LRBA: variants seen among roughly 807,000 people sequenced by gnomAD.
The protein encoded by LRBA is lipopolysaccharide-responsive and beige-like anchor protein.
Under a neutral mutation model 330.0 loss-of-function variants are expected in LRBA, and 176 were observed. The ratio of observed to expected loss-of-function variants is 0.53; its 90% CI spans 0.47 to 0.60. The LOEUF is 0.60. Ranked by LOEUF, LRBA falls within the 20% of genes least tolerant of loss-of-function variation. The probability of loss-of-function intolerance (pLI) is 0.00; values close to 1 mark genes in which losing one functional copy is unlikely to be tolerated. For missense variants in LRBA, 3,259 were observed against 3,444.8 expected, an observed-to-expected ratio of 0.95 and a Z score of 1.35; for synonymous variants, 1,230 against 1,193.0, an observed-to-expected ratio of 1.03 and a Z score of -0.64.
At chr4:150,405,858 C>T (rs934536613) in intron 47 of LRBA, among the ~76,000 whole-genome samples, 1 of 151,554 alleles carries the variant, frequency 6.6e-6, no homozygotes, top group Non-Finnish European at 1.5e-5. Context: ...AGTTCAAGAC[C>T]AGCTTGGGCA....
At chr4:150,309,285 C>T (rs1205026494) in intron 52 of LRBA, among the ~76,000 whole-genome samples, 1 of 151,974 alleles carries the variant, frequency 6.6e-6, no homozygotes, top group Non-Finnish European at 1.5e-5. Flanking sequence ...AGCCTAGGAG[C>T]AATAGGTGAC....
At chr4:150,322,960 G>C (rs969079398) in intron 49 of LRBA, among the ~76,000 whole-genome samples, 6 of 143,510 alleles carry the variant, frequency 4.2e-5, no homozygotes, top group Non-Finnish European at 9.2e-5. Context: ...CGCAGCACGA[G>C]GTGGCTTTAA....
intron 44 of LRBA, among the ~76,000 whole-genome samples, chr4:150,464,671 TGGTCAGCTGGCA>T (rs1270933670): frequency 3.3e-5 from 5 of 152,020 alleles, no homozygotes; most frequent in Non-Finnish European, 5.9e-5. Flanking sequence ...CATACGTTTG[TGGTCAGCTGGCA>T]GGTCAGCTGA....
intron 37 of LRBA, among the ~76,000 whole-genome samples, chr4:150,643,045 T>C (rs1207678738): frequency 2.0e-5 from 3 of 151,920 alleles, no homozygotes; most frequent in African/African-American, 7.2e-5. Context: ...ATAGACTCTC[T>C]TGAAGGGAAA....
intron 17 of LRBA, among the ~76,000 whole-genome samples, chr4:150,890,663 T>C (rs1729364629): frequency 6.6e-6 from 1 of 152,132 alleles, no homozygotes; most frequent in South Asian, 2.1e-4. Context: ...ATGGATAAAT[T>C]ACAAAGAATG....
At chr4:150,643,596 C>G (rs1240790531) in intron 37 of LRBA, among the ~76,000 whole-genome samples, 1 of 151,858 alleles carries the variant, frequency 6.6e-6, no homozygotes, top group African/African-American at 2.4e-5. Context: ...CAAGTAATAG[C>G]AAGCAGTCCA....
chr4:150,311,438 G>A (rs1731055550), intron 51 of LRBA: 1 of 152,124 alleles, frequency 6.6e-6, no homozygotes, highest in South Asian at 2.1e-4. Flanking sequence ...TTCATTGTAT[G>A]TAATAACTAT....
chr4:150,515,574 T>C (rs1762255161), intron 40 of LRBA, among the ~76,000 whole-genome samples: 1 of 152,132 alleles, frequency 6.6e-6, no homozygotes, highest in Admixed American at 6.5e-5. Flanking sequence ...GGTTAGCAAT[T>C]ATTATTACAA....
intron 56 of LRBA, among the ~76,000 whole-genome samples, chr4:150,277,266 G>T (rs1036320686): frequency 1.4e-5 from 2 of 147,972 alleles, no homozygotes; most frequent in African/African-American, 5.0e-5. Context: ...ACGGGGGCCT[G>T]TTGTGGGGGT....
intron 32 of LRBA, among the ~76,000 whole-genome samples, chr4:150,807,352 A>T (rs1403467249): frequency 6.6e-6 from 1 of 152,012 alleles, no homozygotes; most frequent in East Asian, 1.9e-4. Flanking sequence ...CTTCCACACA[A>T]CTCATAGAAC....
At position 150,857,326 on chromosome 4, in the gene LRBA, T is replaced by C. The variant is rs200790961; in HGVS notation, c.2767-4383A>G. Among the ~76,000 whole-genome samples, 49 of 152,272 alleles carry C rather than the reference T, an allele frequency of 3.2e-4. No individual in the cohort carries two copies. In the East Asian group the frequency reaches 6.9e-3, roughly 22 times the overall value. ...ATATAATGGTAAAATCAAGCATTAC[T>C]GACATAATTAAGAGCAATTCTAAAG... is the stretch of plus-strand genomic sequence containing the variant. On this transcript the variant is annotated intron_variant, in intron 22 of 56. Transcript: ENST00000651943.
intron 40 of LRBA, among the ~76,000 whole-genome samples, chr4:150,530,968 C>T (rs1763997777): frequency 1.3e-5 from 2 of 152,266 alleles, no homozygotes; most frequent in Non-Finnish European, 2.9e-5. Context: ...ACCAGCGACA[C>T]GAATTCAGTA....
rs747039424 is a variant in LRBA, at chr4:150,844,715, T to G, written c.4404A>C (p.Gly1468=). The change falls in exon 27 of 57, where the codon GGA becomes GGC. Residue 1468 remains glycine (G), a synonymous_variant. Transcript: ENST00000651943. ...TATGCATTGGTTTCAAGGCTTTATCTCCCCTAGTTTTCAGTTGTGAATGCT... is the reference window on the plus strand; with the variant it reads ...TATGCATTGGTTTCAAGGCTTTATCGCCCCTAGTTTTCAGTTGTGAATGCT... ...CQQHSQLKTR[G]DKALKPMHSL... The G allele has an allele frequency of 1.3e-5, 21 of 1,612,920 alleles. No homozygotes were observed. The highest frequency in any genetic ancestry group is 1.8e-5 in the Non-Finnish European group (21 of 1,179,088).
chr4:150,350,164 A>G lies in LRBA; in HGVS notation c.7195-5T>C. The G allele has an allele frequency of 1.9e-6, 3 of 1,552,014 alleles. No individual in the cohort carries two copies. The South Asian group carries it at 3.7e-5, about 19-fold the overall frequency. On this transcript the variant is annotated splice_region_variant and splice_polypyrimidine_tract_variant and intron_variant, in intron 47 of 56. Transcript: ENST00000651943. ...AACAAATTCACTCTCCAGGGCCTGAAAAAAGGTATACATTGTATTACTATG... is the reference window on the plus strand; with the variant it reads ...AACAAATTCACTCTCCAGGGCCTGAGAAAAGGTATACATTGTATTACTATG...
chr4:150,923,750 G>T (rs1403054043), intron 4 of LRBA, among the ~76,000 whole-genome samples: 3 of 152,166 alleles, frequency 2.0e-5, no homozygotes, highest in African/African-American at 7.2e-5. Context: ...AATAAGAAAA[G>T]TGTGGGGCAT....
At chr4:150,596,367 C>G (rs1773483249) in intron 38 of LRBA, among the ~76,000 whole-genome samples, 1 of 151,872 alleles carries the variant, frequency 6.6e-6, no homozygotes, top group African/African-American at 2.4e-5. Context: ...GCTCTTACTA[C>G]TAAAATACGT....
chr4:150,772,796 T>C (rs944575293), intron 34 of LRBA, among the ~76,000 whole-genome samples: 1 of 152,212 alleles, frequency 6.6e-6, no homozygotes, highest in African/African-American at 2.4e-5. Context: ...CACAGCAGCC[T>C]GAACCTGTTA....
At chr4:150,897,202 G>A (rs1730184822) in intron 15 of LRBA, among the ~76,000 whole-genome samples, 1 of 151,550 alleles carries the variant, frequency 6.6e-6, no homozygotes, top group East Asian at 1.9e-4. Flanking sequence ...AAATCATATA[G>A]GAAAATACTG....
At chr4:150,690,801 A>ATT (rs1021043131) in intron 36 of LRBA, among the ~76,000 whole-genome samples, 1 of 151,950 alleles carries the variant, frequency 6.6e-6, no homozygotes, top group Non-Finnish European at 1.5e-5. Flanking sequence ...ACAACAGCAG[A>ATT]TTTTTTTTAT....
Sources: allele counts gnomAD v4.1 joint callset (sites outside exome capture counted in the v4.1 genomes callset), GRCh38; gene constraint gnomAD v4.1.1; transcripts MANE v1.5; gene names NCBI Gene and HGNC (gene_info 2026-07-23, HGNC 2026-07-21).